The following ACAP2 variants were observed in gnomAD, a reference collection of about 807,000 sequenced individuals.
The protein encoded by ACAP2 is arf-GAP with coiled-coil, ANK repeat and PH domain-containing protein 2.
Under a neutral mutation model 115.8 loss-of-function variants are expected in ACAP2, and 39 were observed. The observed-to-expected ratio is 0.34, with a 90% CI of 0.26 to 0.44. The LOEUF is 0.44. Among genes scored for constraint, ACAP2 ranks in the 20% least tolerant of loss-of-function variants. The probability of loss-of-function intolerance (pLI) is 1.00; values close to 1 mark genes in which losing one functional copy is unlikely to be tolerated. For synonymous variants in ACAP2, 289 were observed against 315.8 expected, an observed-to-expected ratio of 0.92 and a Z score of 0.90; for missense variants, 662 against 927.6, an observed-to-expected ratio of 0.71 and a Z score of 3.72.
chr3:195,299,415 CA>C (rs66689467), intron 15 of ACAP2, among the ~76,000 whole-genome samples: 67,575 of 133,666 alleles, frequency 0.51, 17,030 homozygotes, highest in Middle Eastern at 0.69. Flanking sequence ...ACAAAAAATA[CA>C]AAAAAAAAAA....
chr3:195,440,938 A>G (rs1463146338), intron 1 of ACAP2, among the ~76,000 whole-genome samples: 1 of 152,178 alleles, frequency 6.6e-6, no homozygotes, highest in Non-Finnish European at 1.5e-5. Flanking sequence ...AACCTGTAAT[A>G]TTTTAATTAA....
chr3:195,331,855 C>T (rs186299420), intron 8 of ACAP2, among the ~76,000 whole-genome samples: 3 of 152,218 alleles, frequency 2.0e-5, no homozygotes, highest in Admixed American at 2.0e-4. Flanking sequence ...CACGTAGCCA[C>T]CAGGCACAGT....
rs191639838 is a variant in ACAP2, at chr3:195,275,012, T to C, written c.*4316A>G. ...AAATAGTACATGTAATAAGTCTTTA[T>C]GACTGGAATGATCCAGAAATATCAC... On this transcript the variant is annotated 3_prime_UTR_variant, in exon 23 of 23. Coordinates refer to ENST00000326793, the MANE Select transcript of ACAP2 (RefSeq NM_012287.6). 4.3e-4 allele frequency: 65 copies of C among 152,754 alleles called. No individual in the cohort carries two copies. The highest frequency in any genetic ancestry group is 1.5e-3 in the African/African-American group (63 of 41,576). The allele number at this position is 152,754 out of a possible 1,614,324, so 9.5% of individuals were successfully genotyped here.
At chr3:195,343,986 C>T (rs543294127) in intron 5 of ACAP2, among the ~76,000 whole-genome samples, 32 of 152,232 alleles carry the variant, frequency 2.1e-4, no homozygotes, top group African/African-American at 7.7e-4. Flanking sequence ...GGTAAGAAAA[C>T]TGCTTTGAGG....
chr3:195,380,940 A>T, intron 4 of ACAP2, 69 bp downstream of exon 4: 8 of 1,364,408 alleles, frequency 5.9e-6, no homozygotes, highest in Non-Finnish European at 8.1e-6. Context: ...ATTTCATAAA[A>T]CATTGCGACT....
chr3:195,328,610 A>C (rs1427146012), intron 8 of ACAP2, among the ~76,000 whole-genome samples: 1 of 152,246 alleles, frequency 6.6e-6, no homozygotes, highest in African/African-American at 2.4e-5. Flanking sequence ...GAATGAGTGG[A>C]CTAACCATCC....
chr3:195,287,127 A>G (rs72607901), intron 21 of ACAP2, among the ~76,000 whole-genome samples: 3,351 of 152,284 alleles, frequency 0.022, 123 homozygotes, highest in East Asian at 0.11. Context: ...TTCTTCTCCA[A>G]TGAGGGGGGA....
At chr3:195,353,907 G>C (rs1490122211) in intron 4 of ACAP2, among the ~76,000 whole-genome samples, 2 of 152,132 alleles carry the variant, frequency 1.3e-5, no homozygotes, top group Non-Finnish European at 2.9e-5. Flanking sequence ...GGGTGTCACA[G>C]GGATTTGTTA....
chr3:195,438,834 C>A (rs1003011358), intron 1 of ACAP2, among the ~76,000 whole-genome samples: 1 of 151,980 alleles, frequency 6.6e-6, no homozygotes, highest in East Asian at 1.9e-4. Flanking sequence ...CTGAGGCGGG[C>A]GGATCACCTG....
chr3:195,325,652 CATA>C (rs1232071107), intron 9 of ACAP2, among the ~76,000 whole-genome samples: 1 of 151,912 alleles, frequency 6.6e-6, no homozygotes, highest in African/African-American at 2.4e-5. Flanking sequence ...TTAAAAGATG[CATA>C]ATGTTTATTA....
intron 4 of ACAP2, among the ~76,000 whole-genome samples, chr3:195,364,570 C>CAAAT (rs899551247): frequency 4.3e-4 from 65 of 151,260 alleles, no homozygotes; most frequent in Middle Eastern, 6.8e-3. Flanking sequence ...GACTCTGTCT[C>CAAAT]AAATAAATAA....
chr3:195,299,883 A>G (rs1442830971), intron 15 of ACAP2, among the ~76,000 whole-genome samples: 2 of 152,076 alleles, frequency 1.3e-5, no homozygotes, highest in Non-Finnish European at 2.9e-5. Flanking sequence ...TTAGGCACAC[A>G]TTTTCTACTC....
Position 195,442,970 on chromosome 3 carries a change from G to A in ACAP2, c.-123C>T, listed in dbSNP as rs1325823246. 4.6e-6 allele frequency: 4 copies of A among 867,632 alleles called. No individual in the cohort carries two copies. The highest frequency in any genetic ancestry group is 3.7e-4 in the Middle Eastern group (1 of 2,680). 53.7% of individuals were successfully genotyped at this position (867,632 alleles called of 1,614,324 possible). A position where few individuals can be genotyped will look rare whatever the true frequency, so the allele number is the denominator to read the frequency against. ...CTAGCGTTGCGCGGAGCTGCGAAGG[G>A]CGCCTCGCCCGCTGGTCATAGCAGC... On this transcript the variant is annotated 5_prime_UTR_variant, in exon 1 of 23. Transcript: ENST00000326793.
At chr3:195,332,480 A>T (rs545648903) in intron 8 of ACAP2, among the ~76,000 whole-genome samples, 1 of 152,326 alleles carries the variant, frequency 6.6e-6, no homozygotes, top group African/African-American at 2.4e-5. Context: ...GGTATACCCA[A>T]AACGCAAACA....
chr3:195,290,228 G>A (rs568015626), intron 20 of ACAP2, among the ~76,000 whole-genome samples: 1 of 152,086 alleles, frequency 6.6e-6, no homozygotes, highest in African/African-American at 2.4e-5. Flanking sequence ...AATTAGCCGG[G>A]AGTGGCAGGG....
intron 4 of ACAP2, among the ~76,000 whole-genome samples, chr3:195,346,156 T>A (rs931251480): frequency 6.6e-6 from 1 of 152,186 alleles, no homozygotes; most frequent in African/African-American, 2.4e-5. Flanking sequence ...TCTGGACTTT[T>A]CAAAATCTGT....
chr3:195,291,828 A>C lies in ACAP2; in HGVS notation c.1954-13T>G. The C allele has an allele frequency of 1.9e-6, 3 of 1,601,304 alleles. No homozygotes were observed. Among genetic ancestry groups the C allele is most frequent in the Non-Finnish European group, 2.6e-6 (3 of 1,174,210 alleles). ...TCACCAAAGAGCCCTTAAAGGAAAA[A>C]AGAGGATAACTATAGACAAAAGCAA... On this transcript the variant is annotated splice_polypyrimidine_tract_variant and intron_variant, in intron 19 of 22. Coordinates refer to ENST00000326793, the MANE Select transcript of ACAP2 (RefSeq NM_012287.6).
In ACAP2 at chr3:195,330,324, C is replaced by T. The variant is rs542011353; in HGVS notation, c.669+2704G>A. 2.6e-5 allele frequency among the ~76,000 whole-genome samples: 4 copies of T among 152,284 alleles called. No homozygotes were observed. The South Asian group carries it at 8.3e-4, about 32-fold the overall frequency. On this transcript the variant is annotated intron_variant, in intron 8 of 22. Transcript: ENST00000326793. ...GAATATCGTAATTGGCCACCTCCAACCCGGCCATCTTATCCACTAGGCACT... is the reference window on the plus strand; with the variant it reads ...GAATATCGTAATTGGCCACCTCCAATCCGGCCATCTTATCCACTAGGCACT...
intron 4 of ACAP2, among the ~76,000 whole-genome samples, chr3:195,362,239 C>T (rs1356945391): frequency 6.6e-6 from 1 of 151,398 alleles, no homozygotes; most frequent in African/African-American, 2.4e-5. Flanking sequence ...TTGATTGAAC[C>T]TCGGAGACAG....
Sources: allele counts gnomAD v4.1 joint callset (sites outside exome capture counted in the v4.1 genomes callset), GRCh38; gene constraint gnomAD v4.1.1; transcripts MANE v1.5; gene names NCBI Gene and HGNC (gene_info 2026-07-23, HGNC 2026-07-21).